The following KLRC3 variants were observed in gnomAD, a reference collection of about 807,000 sequenced individuals.
KLRC3 encodes NKG2-E type II integral membrane protein.
In KLRC3, 16 loss-of-function variants were observed where a neutral mutation model predicts 23.6. That is an observed-to-expected ratio of 0.68 (90% CI 0.46 to 1.03). The LOEUF (loss-of-function observed/expected upper bound fraction) is 1.03, where lower values mean the gene tolerates loss of function less well. KLRC3 is among the 50% of genes least tolerant of loss of function. The pLI is 0.00. For synonymous variants in KLRC3, 70 were observed against 71.8 expected (o/e 0.98, Z 0.13); for missense variants, 209 against 232.2 (o/e 0.90, Z 0.65).
At chr12:10,418,644 T>C in intron 3 of KLRC3, 146 bp from the exon 4 acceptor site, 1 of 1,032,176 alleles carries the variant, frequency 9.7e-7, no homozygotes, top group Non-Finnish European at 1.4e-6. Context: ...TTTTAATAAC[T>C]GAGTCAGTCA....
intron 4 of KLRC3, among the ~76,000 whole-genome samples, chr12:10,418,032 C>T (rs1292165969): frequency 6.6e-6 from 1 of 152,178 alleles, no homozygotes; most frequent in Non-Finnish European, 1.5e-5. Flanking sequence ...ACTTGTATCA[C>T]ATGAGATCAT....
intron 6 of KLRC3, 103 bp downstream of exon 6, chr12:10,415,601 T>C (rs1863629321): frequency 6.5e-7 from 1 of 1,536,782 alleles, no homozygotes; most frequent in Non-Finnish European, 8.8e-7. Context: ...ACAATTCATT[T>C]TAAGGCTTAT....
chr12:10,417,271 C>G (rs1388987299), intron 4 of KLRC3, among the ~76,000 whole-genome samples: 1 of 150,808 alleles, frequency 6.6e-6, no homozygotes, highest in Non-Finnish European at 1.5e-5. Context: ...AGACTCGTCT[C>G]TCTCTGCTAC....
Position 10,418,508 on chromosome 12 carries a change from A to C in KLRC3, c.332-10T>G, listed in dbSNP as rs765681748. On this transcript the variant is annotated splice_polypyrimidine_tract_variant and intron_variant, in intron 3 of 6. Transcript: ENST00000396439. Reference sequence around the variant, plus strand: ...TGGCCACAATGACGTGCTAATAAAGATATGAATTACTATCTAGACCAATAT... The same window carrying C: ...TGGCCACAATGACGTGCTAATAAAGCTATGAATTACTATCTAGACCAATAT... The C allele has an allele frequency of 1.9e-6, 3 of 1,554,708 alleles. No individual in the cohort carries two copies. The highest frequency in any genetic ancestry group is 4.5e-5 in the East Asian group (2 of 44,470).
At chr12:10,417,616 G>C (rs1863663837) in intron 4 of KLRC3, among the ~76,000 whole-genome samples, 1 of 150,262 alleles carries the variant, frequency 6.7e-6, no homozygotes, top group Non-Finnish European at 1.5e-5. Context: ...CATACCAGGA[G>C]ACACCAGGGT....
chr12:10,415,661 G>T lies in KLRC3; in HGVS notation c.678+43C>A, dbSNP rs866576637. The T allele has an allele frequency of 2.5e-6, 4 of 1,611,320 alleles. No homozygotes were observed. In the African/African-American group the frequency reaches 5.3e-5, roughly 22 times the overall value. The stretch of plus-strand genomic sequence containing the variant: ...GAACAAATATAAAATTTTATCTGAT[G>T]CACTGCAAGCTCAAGCGCTTTAATT... On this transcript the variant is annotated intron_variant, in intron 6 of 6. Coordinates refer to ENST00000396439, the MANE Select transcript of KLRC3 (RefSeq NM_002261.3).
chr12:10,420,406 A>C lies in KLRC3; in HGVS notation c.145T>G (p.Ser49Ala), dbSNP rs555408556. 6.2e-5 allele frequency: 100 copies of C among 1,613,666 alleles called. No homozygotes were observed. Among genetic ancestry groups the C allele is most frequent in the Non-Finnish European group, 8.4e-5 (99 of 1,179,834 alleles). The stretch of plus-strand genomic sequence containing the variant: ...TTATCAATCCCTTGATGATTCAGAG[A>C]AGCATTTTGAAGGTTTAATTCTACT... Reference protein sequence around the residue: ...FQVELNLQNASLNHQGIDKIY... With the variant: ...FQVELNLQNAALNHQGIDKIY... The change falls in exon 1 of 7, where the codon TCT becomes GCT. Residue 49 changes from serine (S) to alanine (A), a missense_variant. By Grantham distance (99) the Ser-to-Ala change is moderately conservative (BLOSUM62 1). Around this residue, in one of 4 missense-constraint regions of KLRC3, gnomAD observed 109 missense variants for 113.2 expected, o/e 0.96. Transcript: ENST00000396439.
rs1246036366 is a variant in KLRC3 at position 10,418,058 on chromosome 12, T to C, written c.486+286A>G. ...ATGAGATCATTCACTTTGTGATCAA[T>C]CTGCATGACTAGATCATATCATGCT... On this transcript the variant is annotated intron_variant, in intron 4 of 6. Transcript: ENST00000396439. 5.3e-5 allele frequency among the ~76,000 whole-genome samples: 8 copies of C among 152,156 alleles called. No homozygotes were observed. The East Asian group carries it at 1.5e-3, about 29-fold the overall frequency.
intron 6 of KLRC3, among the ~76,000 whole-genome samples, chr12:10,413,974 C>G (rs2682504): frequency 7.9e-4 from 120 of 152,176 alleles, no homozygotes; most frequent in Non-Finnish European, 1.5e-3. Context: ...TTTTTTATGG[C>G]TAAAGCAGTA....
chr12:10,416,797 A>G (rs1863651506), intron 4 of KLRC3, 30 bp from the exon 5 acceptor site: 1 of 1,509,662 alleles, frequency 6.6e-7, no homozygotes, highest in South Asian at 1.3e-5. Flanking sequence ...TTTCACTTAA[A>G]TAATAATTAT....
intron 1 of KLRC3, among the ~76,000 whole-genome samples, 162 bp downstream of exon 1, chr12:10,420,202 G>T (rs1367158109): frequency 6.6e-6 from 1 of 152,108 alleles, no homozygotes; most frequent in Non-Finnish European, 1.5e-5. Context: ...GTTGAACAAT[G>T]CCTGAATAAA....
At chr12:10,415,867 G>T in intron 5 of KLRC3, 73 bp from the exon 6 acceptor site, 1 of 1,048,340 alleles carries the variant, frequency 9.5e-7, no homozygotes, top group Non-Finnish European at 1.4e-6. Context: ...CATTTTCCAT[G>T]TACTGTAAGA....
At chr12:10,417,004 A>G (rs1863654361) in intron 4 of KLRC3, among the ~76,000 whole-genome samples, 1 of 152,008 alleles carries the variant, frequency 6.6e-6, no homozygotes, top group Admixed American at 6.5e-5. Flanking sequence ...GAATAAACAC[A>G]GGAAGGGTTT....
Position 10,420,133 on chromosome 12 carries a change from A to G in KLRC3, c.188-169T>C, listed in dbSNP as rs192024260. On this transcript the variant is annotated intron_variant, in intron 1 of 6. Coordinates refer to ENST00000396439, the MANE Select transcript of KLRC3 (RefSeq NM_002261.3). ...AGTAATCTTTCTCTCAGAATATACC[A>G]TTTCATTTTCAGTAAATGTAATGTT... Among the ~76,000 whole-genome samples, 207 of 151,976 alleles carry G rather than the reference A, an allele frequency of 1.4e-3. 2 individuals carry two copies. Among genetic ancestry groups the G allele is most frequent in the African/African-American group, 4.5e-3 (187 of 41,434 alleles).
Position 10,415,743 on chromosome 12 carries a change from A to C in KLRC3, c.639T>G (p.Arg213=). Residue 213 remains arginine, a synonymous_variant, in exon 6 of 7, where the codon CGT becomes CGG. Transcript: ENST00000396439. ...ATCCACACTGGTCTGATATAAGTCC[A>C]CGTACATGTAGCATTGCACAGTTAC... ...AERNCAMLHV[R]GLISDQCGSS... The C allele has an allele frequency of 6.2e-7, 1 of 1,613,620 alleles. No individual in the cohort carries two copies. Among genetic ancestry groups the C allele is most frequent in the Non-Finnish European group, 8.5e-7 (1 of 1,179,738 alleles).
Position 10,415,755 on chromosome 12 carries a change from C to T in KLRC3, c.627G>A (p.Met209Ile), listed in dbSNP as rs138974556. ...DSDHAERNCA[M>I]LHVRGLISDQ... ...CTGATATAAGTCCACGTACATGTAG[C>T]ATTGCACAGTTACGTTCAGCATGAT... The change falls in exon 6 of 7, where the codon ATG (methionine) becomes ATA (isoleucine). Residue 209 changes from methionine to isoleucine, a missense_variant. By Grantham distance (10) the Met-to-Ile change is conservative (BLOSUM62 1). Coordinates refer to ENST00000396439, the MANE Select transcript of KLRC3 (RefSeq NM_002261.3). 35 of 1,612,812 alleles carry T rather than the reference C, an allele frequency of 2.2e-5. No homozygotes were observed. Among genetic ancestry groups the T allele is most frequent in the Non-Finnish European group, 2.9e-5 (34 of 1,179,400 alleles).
intron 4 of KLRC3, among the ~76,000 whole-genome samples, chr12:10,417,958 G>A (rs528222247): frequency 6.6e-6 from 1 of 152,276 alleles, no homozygotes; most frequent in East Asian, 1.9e-4. Flanking sequence ...GAGGAGTCAG[G>A]ATAAGTGATG....
chr12:10,418,533 T>C, intron 3 of KLRC3, 35 bp from the exon 4 acceptor site: 10 of 1,520,202 alleles, frequency 6.6e-6, no homozygotes, highest in Non-Finnish European at 9.0e-6. Context: ...TAGACCAATA[T>C]GAATTTTTAA....
Position 10,412,489 on chromosome 12 carries a change from A to T in KLRC3, c.*83T>A. On this transcript the variant is annotated 3_prime_UTR_variant, in exon 7 of 7. Coordinates refer to ENST00000396439, the MANE Select transcript of KLRC3 (RefSeq NM_002261.3). Reference sequence around the variant, plus strand: ...AGTAGATTTTTAAAACACAAGCTAAATGGTACATGAGCACTCAGGGGCGGT... The same window carrying T: ...AGTAGATTTTTAAAACACAAGCTAATTGGTACATGAGCACTCAGGGGCGGT... 1 of 688,288 alleles carries T rather than the reference A, an allele frequency of 1.5e-6. No individual in the cohort carries two copies. The allele number at this position is 688,288 out of a possible 1,614,324, so 42.6% of individuals were successfully genotyped here.
Sources: allele counts gnomAD v4.1 joint callset (sites outside exome capture counted in the v4.1 genomes callset), GRCh38; gene constraint gnomAD v4.1.1; regional missense constraint gnomAD v4.1.1; transcripts MANE v1.5; gene names NCBI Gene and HGNC (gene_info 2026-07-23, HGNC 2026-07-21).